The following MAGI2 variants were observed in gnomAD, a reference collection of about 807,000 sequenced individuals.
MAGI2 encodes membrane-associated guanylate kinase, WW and PDZ domain-containing protein 2.
MAGI2 carries 35 observed loss-of-function variants against 133.3 expected under a neutral mutation model. That is an observed-to-expected ratio of 0.26 (90% CI 0.20 to 0.35). The LOEUF is 0.35. Among genes scored for constraint, MAGI2 ranks in the 10% least tolerant of loss-of-function variants. MAGI2 has a pLI of 1.00. For missense variants in MAGI2, 1,636 were observed against 1,863.4 expected (o/e 0.88, Z 2.25); for synonymous variants, 729 against 710.6 (o/e 1.03, Z -0.41).
At chr7:78,554,921 G>A (rs183243959) in intron 3 of MAGI2, among the ~76,000 whole-genome samples, 446 of 152,138 alleles carry the variant, frequency 2.9e-3, no homozygotes, top group Non-Finnish European at 4.6e-3. Flanking sequence ...AGGGGTGTGA[G>A]AATGGCTTGA....
intron 2 of MAGI2, among the ~76,000 whole-genome samples, chr7:78,743,983 T>G (rs1822678405): frequency 6.6e-6 from 1 of 152,178 alleles, no homozygotes; most frequent in Admixed American, 6.5e-5. Flanking sequence ...GAGTATTTAT[T>G]TTTGTCAATC....
chr7:79,394,293 C>A (rs28510832), intron 1 of MAGI2, among the ~76,000 whole-genome samples: 5,958 of 152,224 alleles, frequency 0.039, 382 homozygotes, highest in African/African-American at 0.14. Flanking sequence ...CCAGTCTCAA[C>A]TGGAAAAAGA....
rs144300377 is a variant in MAGI2, at chr7:79,218,683, G to T, written c.302-211477C>A. Reference sequence around the variant, plus strand: ...ATTGTAAGATGCTACTCTGTAAAAAGTTGGATTCAAAATATTCAGCTCACT... The same window carrying T: ...ATTGTAAGATGCTACTCTGTAAAAATTTGGATTCAAAATATTCAGCTCACT... On this transcript the variant is annotated intron_variant, in intron 1 of 21. Transcript: ENST00000354212. 5.2e-4 allele frequency among the ~76,000 whole-genome samples: 79 copies of T among 152,186 alleles called. No homozygotes were observed. In the East Asian group the frequency reaches 0.011, roughly 21 times the overall value.
intron 21 of MAGI2, among the ~76,000 whole-genome samples, chr7:78,043,213 C>T (rs949524711): frequency 3.9e-5 from 6 of 152,176 alleles, no homozygotes; most frequent in South Asian, 2.1e-4. Flanking sequence ...ACCTATAACA[C>T]CTGACAAGAA....
At chr7:79,146,695 C>T (rs1822663528) in intron 1 of MAGI2, among the ~76,000 whole-genome samples, 1 of 152,220 alleles carries the variant, frequency 6.6e-6, no homozygotes, top group Non-Finnish European at 1.5e-5. Context: ...CTTTGCTCCT[C>T]ATTCACCTTC....
At chr7:78,159,940 C>A (rs1243575002) in intron 16 of MAGI2, 85 bp downstream of exon 16, 2 of 1,476,396 alleles carry the variant, frequency 1.4e-6, no homozygotes, top group Non-Finnish European at 1.8e-6. Flanking sequence ...TGACAGTCTT[C>A]TGATATACTT....
intron 6 of MAGI2, among the ~76,000 whole-genome samples, chr7:78,390,821 T>C (rs746445108): frequency 6.6e-6 from 1 of 152,202 alleles, no homozygotes; most frequent in Admixed American, 6.5e-5. Flanking sequence ...GTAATTTATA[T>C]AAGTTATTGA....
chr7:78,305,526 C>G (rs769064159), intron 9 of MAGI2, among the ~76,000 whole-genome samples: 1 of 152,124 alleles, frequency 6.6e-6, no homozygotes, highest in South Asian at 2.1e-4. Flanking sequence ...ATACTCAATA[C>G]AGATTGCTAC....
chr7:78,844,534 ATATTATGT>A (rs1792425616), intron 2 of MAGI2, among the ~76,000 whole-genome samples: 2 of 151,942 alleles, frequency 1.3e-5, no homozygotes, highest in South Asian at 4.1e-4. Context: ...AACCTTAAAA[ATATTATGT>A]TAAGTGAAAC....
chr7:78,078,736 A>G lies in MAGI2; in HGVS notation c.3706+211T>C, dbSNP rs568204061. 33 of 613,516 alleles carry G rather than the reference A, an allele frequency of 5.4e-5. 1 individual carries two copies. The East Asian group carries it at 9.5e-4, about 18-fold the overall frequency. The allele number at this position is 613,516 out of a possible 1,614,324, so 38.0% of individuals were successfully genotyped here. A position where few individuals can be genotyped will look rare whatever the true frequency, so the allele number is the denominator to read the frequency against. On this transcript the variant is annotated intron_variant, in intron 21 of 21. Transcript: ENST00000354212. Reference sequence around the variant, plus strand: ...CATTCCTTAATGGAGGGAGCAAAAGAAAGAGTTCACACACATTTATTTCCT... The same window carrying G: ...CATTCCTTAATGGAGGGAGCAAAAGGAAGAGTTCACACACATTTATTTCCT...
chr7:79,365,338 A>G (rs763235208), intron 1 of MAGI2, among the ~76,000 whole-genome samples: 3 of 152,184 alleles, frequency 2.0e-5, no homozygotes, highest in Non-Finnish European at 2.9e-5. Context: ...ACTAAACATG[A>G]AATTGCCATA....
chr7:79,032,272 T>G (rs907175913), intron 1 of MAGI2, among the ~76,000 whole-genome samples: 8 of 152,098 alleles, frequency 5.3e-5, no homozygotes, highest in African/African-American at 1.9e-4. Flanking sequence ...ATCCCAGAAC[T>G]TTGGAAGGCC....
At chr7:78,099,457 G>A (rs1818008378) in intron 20 of MAGI2, among the ~76,000 whole-genome samples, 1 of 152,132 alleles carries the variant, frequency 6.6e-6, no homozygotes, top group Non-Finnish European at 1.5e-5. Context: ...GAATTAAACA[G>A]GGAGCTTTTT....
intron 1 of MAGI2, among the ~76,000 whole-genome samples, chr7:79,248,411 A>G (rs1832972919): frequency 1.3e-5 from 2 of 152,346 alleles, no homozygotes; most frequent in South Asian, 2.1e-4. Flanking sequence ...CCCCAATACA[A>G]TAACAGCCGG....
At chr7:79,262,716 T>C (rs182143337) in intron 1 of MAGI2, among the ~76,000 whole-genome samples, 40 of 152,330 alleles carry the variant, frequency 2.6e-4, no homozygotes, top group African/African-American at 8.4e-4. Flanking sequence ...TTATGTGACA[T>C]GCATAACTTA....
At chr7:78,068,672 A>G (rs1814116160) in intron 21 of MAGI2, among the ~76,000 whole-genome samples, 1 of 152,174 alleles carries the variant, frequency 6.6e-6, no homozygotes, top group Non-Finnish European at 1.5e-5. Flanking sequence ...GGTTTAGAGT[A>G]CTTTGGTTAA....
chr7:78,640,976 A>T lies in MAGI2; in HGVS notation c.419-13737T>A, dbSNP rs1385246900. 3.9e-5 allele frequency among the ~76,000 whole-genome samples: 6 copies of T among 152,158 alleles called. No homozygotes were observed. In the South Asian group the frequency reaches 1.2e-3, roughly 32 times the overall value. On this transcript the variant is annotated intron_variant, in intron 2 of 21. Coordinates refer to ENST00000354212, the MANE Select transcript of MAGI2 (RefSeq NM_012301.4). The stretch of plus-strand genomic sequence containing the variant: ...GTGGAGATAATTCAATCACAAGGGC[A>T]GTTTCCCCCATCCTGTTATTGTGAT...
intron 5 of MAGI2, among the ~76,000 whole-genome samples, chr7:78,501,317 A>G (rs562042165): frequency 5.3e-5 from 8 of 152,146 alleles, no homozygotes; most frequent in African/African-American, 1.4e-4. Flanking sequence ...ATAACATCAC[A>G]TGGAGATTTG....
At chr7:78,537,433 T>C (rs983189834) in intron 3 of MAGI2, among the ~76,000 whole-genome samples, 1 of 152,198 alleles carries the variant, frequency 6.6e-6, no homozygotes, top group Non-Finnish European at 1.5e-5. Context: ...CTGTTTTCCA[T>C]AGAGGTTTTA....
Sources: gnomAD v4.1 joint callset for allele counts (sites outside exome capture counted in the v4.1 genomes callset) on GRCh38, gnomAD v4.1.1 for gene constraint, MANE v1.5 for transcripts, NCBI Gene and HGNC (gene_info 2026-07-23, HGNC 2026-07-21) for gene names.